Variants in TMEM123 observed in about 807,000 individuals in gnomAD.
TMEM123 encodes the protein porimin.
TMEM123 carries 16 observed loss-of-function variants against 19.7 expected under a neutral mutation model. The ratio of observed to expected loss-of-function variants is 0.81; its 90% CI spans 0.55 to 1.23. The LOEUF is 1.23. Ranked by LOEUF, TMEM123 falls within the 50% of genes most tolerant of loss-of-function variation. The pLI, the probability that TMEM123 is intolerant of heterozygous loss-of-function variation, is 0.00. For missense variants in TMEM123, 313 were observed against 257.8 expected (o/e 1.21, Z -1.47); for synonymous variants, 118 against 99.4 (o/e 1.19, Z -1.12).
In TMEM123 at chr11:102,401,519, C is replaced by A; in HGVS notation, c.602+20G>T. On this transcript the variant is annotated intron_variant, in intron 4 of 4. Transcript: ENST00000398136. Reference sequence around the variant, plus strand: ...GCACCAACAATTTTTTTTAAAAAGTCCTGGCCATTCAAAACTTACATGGTT... The same window carrying A: ...GCACCAACAATTTTTTTTAAAAAGTACTGGCCATTCAAAACTTACATGGTT... The A allele has an allele frequency of 1.9e-6, 3 of 1,544,710 alleles. No individual in the cohort carries two copies. The highest frequency in any genetic ancestry group is 1.3e-5 in the South Asian group (1 of 79,450).
chr11:102,432,501 GA>G lies in TMEM123; in HGVS notation c.157+16310del, dbSNP rs552977621. Among the ~76,000 whole-genome samples the G allele has an allele frequency of 1.1e-4, 17 of 152,346 alleles. 2 individuals are homozygous for G. The South Asian group carries it at 3.5e-3, about 32-fold the overall frequency. The stretch of plus-strand genomic sequence containing the variant: ...ACACGATTTAGGGTACCTGGCAGAA[GA>G]AATTTCTAAGCAGCAAAGCATTCAA... On this transcript the variant is annotated intron_variant, in intron 2 of 4. Transcript: ENST00000398136.
Position 102,402,666 on chromosome 11 carries a change from T to A in TMEM123, c.158-460A>T, listed in dbSNP as rs191894630. ...GCTTTGAGGACAATAAATCAGTAGCTGCATGTTTCTAACCCTCCTGGTAGA... is the reference window on the plus strand; with the variant it reads ...GCTTTGAGGACAATAAATCAGTAGCAGCATGTTTCTAACCCTCCTGGTAGA... On this transcript the variant is annotated intron_variant, in intron 2 of 4. Coordinates refer to ENST00000398136, the MANE Select transcript of TMEM123 (RefSeq NM_052932.3). 4.4e-3 allele frequency among the ~76,000 whole-genome samples: 670 copies of A among 152,360 alleles called. 1 individual carries two copies. The highest frequency in any genetic ancestry group is 0.017 in the Middle Eastern group (5 of 294).
intron 2 of TMEM123, among the ~76,000 whole-genome samples, chr11:102,404,789 G>A (rs935228590): frequency 6.6e-6 from 1 of 151,808 alleles, no homozygotes; most frequent in Non-Finnish European, 1.5e-5. Flanking sequence ...TAGTAGAGAC[G>A]GGGTTTTGCC....
chr11:102,415,918 A>C (rs986582475), intron 2 of TMEM123, among the ~76,000 whole-genome samples: 3 of 1,208 alleles, frequency 2.5e-3, no homozygotes, highest in Admixed American at 0.019. Context: ...TATTATTATT[A>C]TCATCATTAT....
At chr11:102,423,846 AT>A (rs559800674) in intron 2 of TMEM123, among the ~76,000 whole-genome samples, 5 of 152,106 alleles carry the variant, frequency 3.3e-5, no homozygotes, top group Admixed American at 6.6e-5. Flanking sequence ...ACGCATACTT[AT>A]TTTTTTATAC....
chr11:102,440,099 C>T (rs908423760), intron 2 of TMEM123, among the ~76,000 whole-genome samples: 4 of 152,220 alleles, frequency 2.6e-5, no homozygotes, highest in South Asian at 2.1e-4. Flanking sequence ...TGACGGGGAG[C>T]GTGGAACCAA....
chr11:102,446,754 A>G (rs1480281019), intron 2 of TMEM123, among the ~76,000 whole-genome samples: 2 of 152,230 alleles, frequency 1.3e-5, no homozygotes, highest in Admixed American at 6.5e-5. Context: ...GGTGAGTCCT[A>G]TAAAAGTGAT....
chr11:102,405,055 CT>C (rs564579359), intron 2 of TMEM123, among the ~76,000 whole-genome samples: 77 of 144,406 alleles, frequency 5.3e-4, no homozygotes, highest in East Asian at 8.1e-4. Context: ...TTTCTTTTTT[CT>C]TTTTTTTTTT....
intron 2 of TMEM123, among the ~76,000 whole-genome samples, chr11:102,412,404 G>A (rs548706990): frequency 6.6e-6 from 1 of 152,216 alleles, no homozygotes; most frequent in East Asian, 1.9e-4. Context: ...CTCCAGCCTG[G>A]GCAACAGTGC....
chr11:102,420,162 C>G (rs901477915), intron 2 of TMEM123, among the ~76,000 whole-genome samples: 1 of 152,220 alleles, frequency 6.6e-6, no homozygotes, highest in Non-Finnish European at 1.5e-5. Context: ...AGCCTGCTCT[C>G]TGCCCTGAGA....
chr11:102,434,941 T>A (rs1834096826), intron 2 of TMEM123, among the ~76,000 whole-genome samples: 1 of 151,944 alleles, frequency 6.6e-6, no homozygotes, highest in African/African-American at 2.4e-5. Flanking sequence ...CTTAACAATT[T>A]TCAAGTATAC....
chr11:102,409,409 T>A (rs575775532), intron 2 of TMEM123, among the ~76,000 whole-genome samples: 3 of 152,172 alleles, frequency 2.0e-5, no homozygotes, highest in African/African-American at 7.2e-5. Flanking sequence ...CAACTAAATA[T>A]CAGTGTAATT....
In TMEM123 at chr11:102,433,160, G is replaced by A. The variant is rs191525793; in HGVS notation, c.157+15652C>T. 2.6e-3 allele frequency among the ~76,000 whole-genome samples: 399 copies of A among 151,994 alleles called. 8 individuals are homozygous for A. Among genetic ancestry groups the A allele is most frequent in the African/African-American group, 9.1e-3 (376 of 41,512 alleles). On this transcript the variant is annotated intron_variant, in intron 2 of 4. Coordinates refer to ENST00000398136, the MANE Select transcript of TMEM123 (RefSeq NM_052932.3). ...GTGAGAAGAGGGCCACTGTCCTCCA[G>A]CCCCCAGAATGGTAGACCCATCAAC...
intron 2 of TMEM123, among the ~76,000 whole-genome samples, chr11:102,445,660 C>T (rs1490297230): frequency 6.6e-6 from 1 of 152,134 alleles, no homozygotes; most frequent in East Asian, 1.9e-4. Flanking sequence ...ATAAGCTGTT[C>T]CCAAATTTCC....
intron 2 of TMEM123, among the ~76,000 whole-genome samples, chr11:102,418,697 T>C (rs1316250851): frequency 6.6e-6 from 1 of 152,176 alleles, no homozygotes. Flanking sequence ...TAAAGACACA[T>C]GCACACATAC....
At chr11:102,445,683 T>C (rs903122270) in intron 2 of TMEM123, among the ~76,000 whole-genome samples, 1 of 152,248 alleles carries the variant, frequency 6.6e-6, no homozygotes, top group Non-Finnish European at 1.5e-5. Flanking sequence ...TGCCTTCTTC[T>C]GTAGAAATCT....
chr11:102,436,754 A>C (rs761534984), intron 2 of TMEM123, among the ~76,000 whole-genome samples: 2 of 147,444 alleles, frequency 1.4e-5, no homozygotes, highest in Non-Finnish European at 1.5e-5. Context: ...GAAAGAAGGA[A>C]GTCATGGGAA....
In TMEM123 at chr11:102,396,461, TA is replaced by T. The variant is rs1433555891; in HGVS notation, c.*2405del. 2.0e-5 allele frequency: 3 copies of T among 152,242 alleles called. No homozygotes were observed. The highest frequency in any genetic ancestry group is 4.4e-5 in the Non-Finnish European group (3 of 68,030). The allele number at this position is 152,242 out of a possible 1,614,324, so 9.4% of individuals were successfully genotyped here. A position where few individuals can be genotyped will look rare whatever the true frequency, so the allele number is the denominator to read the frequency against. Reference sequence around the variant, plus strand: ...TTGTGAAAATACAAAATTATCACTATAATATACTGCCAACTCTGTTTATCTG... The same window carrying T: ...TTGTGAAAATACAAAATTATCACTATATATACTGCCAACTCTGTTTATCTG... On this transcript the variant is annotated 3_prime_UTR_variant, in exon 5 of 5. Coordinates refer to ENST00000398136, the MANE Select transcript of TMEM123 (RefSeq NM_052932.3).
At chr11:102,445,097 C>T (rs894368533) in intron 2 of TMEM123, among the ~76,000 whole-genome samples, 18 of 152,056 alleles carry the variant, frequency 1.2e-4, no homozygotes, top group African/African-American at 4.4e-4. Context: ...GTGTAGCACA[C>T]CAACATGGCA....
Sources: allele counts gnomAD v4.1 joint callset (sites outside exome capture counted in the v4.1 genomes callset), GRCh38; gene constraint gnomAD v4.1.1; transcripts MANE v1.5; gene names NCBI Gene and HGNC (gene_info 2026-07-23, HGNC 2026-07-21).